Variants in GSG1L observed in about 807,000 individuals in gnomAD.
GSG1L encodes the protein GSG1 like.
GSG1L carries 24 observed loss-of-function variants against 42.1 expected under a neutral mutation model. The observed-to-expected ratio is 0.57, with a 90% CI of 0.41 to 0.80. GSG1L has a LOEUF of 0.80. Ranked by LOEUF, GSG1L falls within the 30% of genes least tolerant of loss-of-function variation. GSG1L has a pLI of 0.00. For missense variants in GSG1L, 445 were observed against 472.2 expected, an observed-to-expected ratio of 0.94 and a Z score of 0.53; for synonymous variants, 215 against 203.5, an observed-to-expected ratio of 1.06 and a Z score of -0.48.
At chr16:27,797,874 C>T (rs866131986) in intron 6 of GSG1L, among the ~76,000 whole-genome samples, 7 of 149,420 alleles carry the variant, frequency 4.7e-5, no homozygotes, top group Admixed American at 6.7e-5. Flanking sequence ...TCCTGTCTTT[C>T]GTAGCAACAT....
At chr16:27,965,557 C>T (rs1375954304) in intron 1 of GSG1L, among the ~76,000 whole-genome samples, 4 of 152,186 alleles carry the variant, frequency 2.6e-5, no homozygotes, top group Non-Finnish European at 4.4e-5. Flanking sequence ...TCTATTTCCC[C>T]CAGCAAGCTG....
chr16:27,990,071 G>T (rs1403869361), intron 1 of GSG1L, among the ~76,000 whole-genome samples: 1 of 152,166 alleles, frequency 6.6e-6, no homozygotes, highest in Non-Finnish European at 1.5e-5. Flanking sequence ...TTAATTAGCT[G>T]ATGTGTTTAT....
At chr16:27,828,370 C>T (rs771749771) in intron 5 of GSG1L, among the ~76,000 whole-genome samples, 51 of 152,308 alleles carry the variant, frequency 3.3e-4, no homozygotes, top group Non-Finnish European at 7.1e-4. Context: ...ATGTAGTTCC[C>T]AACATTGAGA....
At chr16:27,841,247 G>T (rs889370167) in intron 4 of GSG1L, among the ~76,000 whole-genome samples, 9 of 151,994 alleles carry the variant, frequency 5.9e-5, no homozygotes, top group Non-Finnish European at 1.2e-4. Context: ...ATCTGAACCT[G>T]AACTGTCTGA....
At chr16:27,829,483 G>A (rs1449516950) in intron 4 of GSG1L, among the ~76,000 whole-genome samples, 2 of 152,208 alleles carry the variant, frequency 1.3e-5, no homozygotes, top group Non-Finnish European at 2.9e-5. Flanking sequence ...TTTTATGAAA[G>A]TTAAGTTACC....
intron 2 of GSG1L, among the ~76,000 whole-genome samples, chr16:27,937,051 C>T (rs1181656572): frequency 2.6e-5 from 4 of 152,194 alleles, no homozygotes; most frequent in South Asian, 2.1e-4. Flanking sequence ...TGATGACCTT[C>T]GCTGCTCTGA....
In GSG1L at chr16:27,851,588, C is replaced by T. The variant is rs535029008; in HGVS notation, c.551-6527G>A. Among the ~76,000 whole-genome samples the T allele has an allele frequency of 6.6e-5, 10 of 152,106 alleles. No homozygotes were observed. In the East Asian group the frequency reaches 9.7e-4, roughly 15 times the overall value. ...GAGTGGGGAAGTGGGGGTTGAGGAG[C>T]GGCAAGCAGAGGGTATGAAATAGTC... On this transcript the variant is annotated intron_variant, in intron 3 of 6. Coordinates refer to ENST00000447459, the MANE Select transcript of GSG1L (RefSeq NM_001109763.2).
chr16:27,945,442 C>T (rs1455970770), intron 2 of GSG1L, among the ~76,000 whole-genome samples: 1 of 152,166 alleles, frequency 6.6e-6, no homozygotes, highest in Non-Finnish European at 1.5e-5. Context: ...AGCCCCTCCC[C>T]CTGCTCCAGA....
At chr16:27,931,723 C>T (rs562666082) in intron 2 of GSG1L, among the ~76,000 whole-genome samples, 8 of 152,252 alleles carry the variant, frequency 5.3e-5, no homozygotes, top group Non-Finnish European at 8.8e-5. Flanking sequence ...GCACACAGGT[C>T]CTTAGGAGGA....
At chr16:27,839,233 A>C (rs1266067943) in intron 4 of GSG1L, among the ~76,000 whole-genome samples, 1 of 152,214 alleles carries the variant, frequency 6.6e-6, no homozygotes, top group Non-Finnish European at 1.5e-5. Flanking sequence ...CCACTAGGAC[A>C]GGAGTGAGAA....
rs1367749307 is a variant in GSG1L, at chr16:27,963,144, G to T, written c.397+12C>A. 2.5e-6 allele frequency: 4 copies of T among 1,610,998 alleles called. No individual in the cohort carries two copies. The highest frequency in any genetic ancestry group is 3.4e-6 in the Non-Finnish European group (4 of 1,177,390). On this transcript the variant is annotated intron_variant, in intron 2 of 6. Transcript: ENST00000447459. The stretch of plus-strand genomic sequence containing the variant: ...AGCAGAGCTGCCACAGCTCAGCTGG[G>T]GTCACACTCACCTTTCTCCGATGCC...
chr16:27,827,304 C>A (rs930452025), intron 5 of GSG1L, among the ~76,000 whole-genome samples: 6 of 152,138 alleles, frequency 3.9e-5, no homozygotes, highest in Non-Finnish European at 8.8e-5. Context: ...TTCGCGGGTA[C>A]CTCTAGGTGC....
chr16:28,063,245 C>A lies in GSG1L; in HGVS notation c.180G>T (p.Thr60=). The A allele has an allele frequency of 7.7e-7, 1 of 1,292,754 alleles. No homozygotes were observed. The highest frequency in any genetic ancestry group is 9.8e-7 in the Non-Finnish European group (1 of 1,019,656). 80.1% of individuals were successfully genotyped at this position (1,292,754 alleles called of 1,614,324 possible). A position where few individuals can be genotyped will look rare whatever the true frequency, so the allele number is the denominator to read the frequency against. The change falls in exon 1 of 7, where the codon ACG becomes ACT. Residue 60 remains threonine, a synonymous_variant. Coordinates refer to ENST00000447459, the MANE Select transcript of GSG1L (RefSeq NM_001109763.2). This position sits in a 1 kb window ranked among gnomAD's most constrained non-coding sequence, Gnocchi z 5.8. The part of the protein sequence containing the change: ...ANCPNSGANA[T]ANGTAAPAAA... Reference sequence around the variant, plus strand: ...CGGCGGGGGCGGCGGTGCCGTTGGCCGTGGCGTTGGCGCCCGAGTTGGGGC... The same window carrying A: ...CGGCGGGGGCGGCGGTGCCGTTGGCAGTGGCGTTGGCGCCCGAGTTGGGGC...
intron 1 of GSG1L, among the ~76,000 whole-genome samples, chr16:28,004,891 G>C (rs1308410418): frequency 6.6e-6 from 1 of 152,164 alleles, no homozygotes; most frequent in Non-Finnish European, 1.5e-5. Context: ...AAAACAGCCA[G>C]AGAGCCAAAG....
At chr16:27,941,155 A>G (rs2084789055) in intron 2 of GSG1L, among the ~76,000 whole-genome samples, 1 of 152,110 alleles carries the variant, frequency 6.6e-6, no homozygotes, top group South Asian at 2.1e-4. Flanking sequence ...GATAAACTGA[A>G]CAACATCAAA....
Position 27,934,940 on chromosome 16 carries a change from T to C in GSG1L, c.397+28216A>G, listed in dbSNP as rs186111416. On this transcript the variant is annotated intron_variant, in intron 2 of 6. Transcript: ENST00000447459. ...CCAAGCACCATGTGGGGATTTGGCA[T>C]TGAACAAGACAGGCAAGGCAGTGCC... Among the ~76,000 whole-genome samples, 22 of 152,300 alleles carry C rather than the reference T, an allele frequency of 1.4e-4. 1 individual carries two copies. The highest frequency in any genetic ancestry group is 5.3e-4 in the African/African-American group (22 of 41,558).
At chr16:27,885,569 C>G (rs1343449671) in intron 2 of GSG1L, among the ~76,000 whole-genome samples, 1 of 152,216 alleles carries the variant, frequency 6.6e-6, no homozygotes, top group African/African-American at 2.4e-5. Context: ...CATTGCTACT[C>G]CCACACTTCA....
chr16:27,836,374 G>A (rs2083320660), intron 4 of GSG1L, among the ~76,000 whole-genome samples: 1 of 151,098 alleles, frequency 6.6e-6, no homozygotes, highest in African/African-American at 2.4e-5. Context: ...GATTCATTCA[G>A]CTTTTGATTC....
chr16:27,893,017 G>T (rs892386476), intron 2 of GSG1L, among the ~76,000 whole-genome samples: 1 of 152,148 alleles, frequency 6.6e-6, no homozygotes, highest in African/African-American at 2.4e-5. Flanking sequence ...CTCTCAGCAG[G>T]CCCGGCAGAG....
Sources: allele counts gnomAD v4.1 joint callset (sites outside exome capture counted in the v4.1 genomes callset), GRCh38; gene constraint gnomAD v4.1.1; non-coding constraint Gnocchi (gnomAD v3.1); transcripts MANE v1.5; gene names NCBI Gene and HGNC (gene_info 2026-07-23, HGNC 2026-07-21).